Variants in NECAB1 observed in about 807,000 individuals in gnomAD.
NECAB1 encodes the protein N-terminal EF-hand calcium binding protein 1, also known as N-terminal EF-hand calcium-binding protein 1.
In NECAB1, 29 loss-of-function variants were observed where a neutral mutation model predicts 57.5. The observed-to-expected ratio is 0.50, with a 90% CI of 0.38 to 0.69. The LOEUF (loss-of-function observed/expected upper bound fraction) is 0.69. Among genes scored for constraint, NECAB1 ranks in the 30% least tolerant of loss-of-function variants. The pLI, the probability that NECAB1 is intolerant of heterozygous loss-of-function variation, is 0.00. For missense variants in NECAB1, 372 were observed against 413.8 expected (o/e 0.90, Z 0.88); for synonymous variants, 142 against 147.7 (o/e 0.96, Z 0.28).
In NECAB1 at chr8:90,917,497, C is replaced by T. The variant is rs759986243; in HGVS notation, c.363C>T (p.Tyr121=). The T allele has an allele frequency of 3.1e-5, 50 of 1,607,748 alleles. No homozygotes were observed. Among genetic ancestry groups the T allele is most frequent in the Non-Finnish European group, 4.1e-5 (48 of 1,176,250 alleles). ...LKAMGKTKKD[Y]QEASNLEQFV... The stretch of plus-strand genomic sequence containing the variant: ...ATTTGTTTTGTCACCCTTAGGACTA[C>T]CAAGAAGCCTCCAATTTGGAACAAT... The change falls in exon 6 of 13, where the codon TAC becomes TAT. Residue 121 remains tyrosine (Y), a synonymous_variant. Transcript: ENST00000417640.
In NECAB1 at chr8:90,949,849, C is replaced by T; in HGVS notation, c.903C>T (p.Ile301=). The T allele has an allele frequency of 6.2e-7, 1 of 1,609,574 alleles. No individual in the cohort carries two copies. The highest frequency in any genetic ancestry group is 8.5e-7 in the Non-Finnish European group (1 of 1,176,922). ...QKLSNESRYM[I]YEFWENSSVW... is the part of the protein sequence containing the mutation. ...TTTCAAATGAATCTCGCTACATGATCTATGAGTTCTGGGAGAATAGTAGTG... is the reference window on the plus strand; with the variant it reads ...TTTCAAATGAATCTCGCTACATGATTTATGAGTTCTGGGAGAATAGTAGTG... Residue 301 remains isoleucine (I), a synonymous_variant, in exon 11 of 13, where the codon ATC becomes ATT. Coordinates refer to ENST00000417640, the MANE Select transcript of NECAB1 (RefSeq NM_022351.5).
chr8:90,806,530 A>G (rs1368702226), intron 2 of NECAB1: 2 of 152,256 alleles, frequency 1.3e-5, no homozygotes, highest in African/African-American at 4.8e-5. Context: ...TATGGAGGAC[A>G]TATTACAAGC....
intron 3 of NECAB1, among the ~76,000 whole-genome samples, chr8:90,853,169 C>T (rs866396128): frequency 2.0e-5 from 3 of 152,238 alleles, no homozygotes; most frequent in Non-Finnish European, 4.4e-5. Context: ...CTGCATGCTG[C>T]CTCCTGTGAG....
intron 4 of NECAB1, 82 bp downstream of exon 4, chr8:90,872,235 G>A: frequency 9.0e-7 from 1 of 1,115,808 alleles, no homozygotes; most frequent in Non-Finnish European, 1.3e-6. Context: ...ATCAACCTTG[G>A]AATTAATGTT....
At chr8:90,916,158 C>T (rs565258940) in intron 5 of NECAB1, among the ~76,000 whole-genome samples, 1 of 152,150 alleles carries the variant, frequency 6.6e-6, no homozygotes, top group Non-Finnish European at 1.5e-5. Flanking sequence ...GTGTTGTTCA[C>T]CTGTAATGAA....
At chr8:90,938,301 A>T (rs972584485) in intron 9 of NECAB1, among the ~76,000 whole-genome samples, 4 of 152,194 alleles carry the variant, frequency 2.6e-5, no homozygotes, top group African/African-American at 9.6e-5. Context: ...TAAATGATAT[A>T]CTACTACTCC....
At chr8:90,896,871 G>A (rs1033286226) in intron 5 of NECAB1, among the ~76,000 whole-genome samples, 1 of 151,712 alleles carries the variant, frequency 6.6e-6, no homozygotes, top group Non-Finnish European at 1.5e-5. Flanking sequence ...TCCCGCCAAA[G>A]CACTCACCAC....
intron 2 of NECAB1, among the ~76,000 whole-genome samples, chr8:90,816,347 AG>A (rs1448397864): frequency 6.6e-6 from 1 of 151,804 alleles, no homozygotes; most frequent in Non-Finnish European, 1.5e-5. Context: ...ACAGAGCAAA[AG>A]CTTTTCATTT....
chr8:90,814,215 A>C (rs1029359836), intron 2 of NECAB1, among the ~76,000 whole-genome samples: 6 of 152,324 alleles, frequency 3.9e-5, no homozygotes, highest in African/African-American at 1.4e-4. Context: ...TTTTCTCTTA[A>C]TTAGACTGGA....
At chr8:90,865,462 T>C (rs1016515523) in intron 3 of NECAB1, among the ~76,000 whole-genome samples, 1 of 152,154 alleles carries the variant, frequency 6.6e-6, no homozygotes, top group Non-Finnish European at 1.5e-5. Flanking sequence ...CAAGTCTTCA[T>C]AGCCCTCTAT....
intron 1 of NECAB1, among the ~76,000 whole-genome samples, chr8:90,795,313 A>G (rs915458941): frequency 2.0e-5 from 3 of 152,156 alleles, no homozygotes; most frequent in African/African-American, 7.2e-5. Context: ...CATCCACCCA[A>G]TGCCACTTTC....
chr8:90,867,481 TC>T (rs1178268045), intron 3 of NECAB1, among the ~76,000 whole-genome samples: 5 of 152,234 alleles, frequency 3.3e-5, no homozygotes, highest in African/African-American at 1.2e-4. Context: ...AGCTATCTAA[TC>T]TGAATCTAAT....
intron 1 of NECAB1, among the ~76,000 whole-genome samples, chr8:90,797,850 G>A (rs1811687877): frequency 1.3e-5 from 2 of 152,208 alleles, no homozygotes; most frequent in Admixed American, 1.3e-4. Context: ...GACTCAAGGA[G>A]TGCTATCTGG....
intron 10 of NECAB1, among the ~76,000 whole-genome samples, chr8:90,943,964 C>G (rs1350095463): frequency 6.6e-6 from 1 of 152,132 alleles, no homozygotes; most frequent in African/African-American, 2.4e-5. Context: ...GTTGCCCTGG[C>G]TGGTCTTGAA....
rs143444093 is a variant in NECAB1, at chr8:90,888,450, C to T, written c.357+7320C>T. On this transcript the variant is annotated intron_variant, in intron 5 of 12. Coordinates refer to ENST00000417640, the MANE Select transcript of NECAB1 (RefSeq NM_022351.5). ...GCACAGTATGTGATTCCTTCTGTCA[C>T]GAGAATTAAATTTGATATGACTCAT... is the stretch of plus-strand genomic sequence containing the variant. Among the ~76,000 whole-genome samples the T allele has an allele frequency of 3.1e-3, 469 of 152,170 alleles. 2 individuals carry two copies. The highest frequency in any genetic ancestry group is 6.6e-3 in the African/African-American group (275 of 41,524).
At chr8:90,905,787 C>T (rs1168737534) in intron 5 of NECAB1, among the ~76,000 whole-genome samples, 1 of 152,140 alleles carries the variant, frequency 6.6e-6, no homozygotes, top group East Asian at 1.9e-4. Context: ...ACTTCTATTT[C>T]ATATTGTTCA....
At chr8:90,801,998 C>T (rs1811765816) in intron 2 of NECAB1, among the ~76,000 whole-genome samples, 1 of 152,172 alleles carries the variant, frequency 6.6e-6, no homozygotes, top group Admixed American at 6.5e-5. Flanking sequence ...AATTTTGCAG[C>T]AATAGCAGCT....
intron 3 of NECAB1, among the ~76,000 whole-genome samples, chr8:90,858,624 GAA>G (rs546425109): frequency 5.1e-5 from 7 of 137,370 alleles, no homozygotes; most frequent in South Asian, 2.3e-4. Context: ...ACAATTTGAA[GAA>G]AAAAAAAAAA....
chr8:90,919,874 C>T (rs189792582), intron 6 of NECAB1, among the ~76,000 whole-genome samples: 76 of 152,262 alleles, frequency 5.0e-4, no homozygotes, highest in African/African-American at 1.5e-3. Flanking sequence ...TTCACCTGCG[C>T]TTTTGTTTTT....
Sources: gnomAD v4.1 joint callset for allele counts (sites outside exome capture counted in the v4.1 genomes callset) on GRCh38, gnomAD v4.1.1 for gene constraint, MANE v1.5 for transcripts, NCBI Gene and HGNC (gene_info 2026-07-23, HGNC 2026-07-21) for gene names.